RNF111: variants seen among roughly 807,000 people sequenced by gnomAD.
RNF111 encodes ring finger protein 111, also known as E3 ubiquitin-protein ligase Arkadia.
RNF111 carries 17 observed loss-of-function variants against 95.1 expected under a neutral mutation model. The observed-to-expected ratio is 0.18, with a 90% confidence interval of 0.12 to 0.27. The LOEUF (loss-of-function observed/expected upper bound fraction) is 0.27, where lower values mean the gene tolerates loss of function less well. Among genes scored for constraint, RNF111 ranks in the 10% least tolerant of loss-of-function variants. The pLI, the probability that RNF111 is intolerant of heterozygous loss-of-function variation, is 1.00. For missense variants in RNF111, 1,189 were observed against 1,210.4 expected, an observed-to-expected ratio of 0.98 and a Z score of 0.26; for synonymous variants, 440 against 414.8, an observed-to-expected ratio of 1.06 and a Z score of -0.74.
chr15:59,075,391 G>A (rs1263335215), intron 6 of RNF111, among the ~76,000 whole-genome samples: 4 of 152,150 alleles, frequency 2.6e-5, no homozygotes, highest in African/African-American at 9.7e-5. Flanking sequence ...GAGTGGCAAA[G>A]GTAATTCATG....
chr15:59,064,033 A>C (rs1490019350), intron 5 of RNF111, among the ~76,000 whole-genome samples: 1 of 152,230 alleles, frequency 6.6e-6, no homozygotes, highest in Non-Finnish European at 1.5e-5. Context: ...TACTGTAATA[A>C]TGAGTAATTA....
chr15:59,030,702 G>C, intron 1 of RNF111, 102 bp from the exon 2 acceptor site: 1 of 755,668 alleles, frequency 1.3e-6, no homozygotes, highest in Non-Finnish European at 2.0e-6. Context: ...AGACAGTTCT[G>C]CCTTTATAAG....
intron 2 of RNF111, among the ~76,000 whole-genome samples, chr15:59,033,309 T>G (rs1349471714): frequency 2.0e-5 from 3 of 152,232 alleles, no homozygotes; most frequent in Admixed American, 2.0e-4. Flanking sequence ...TTTTCATCTG[T>G]ATTTTTCTCT....
intron 1 of RNF111, among the ~76,000 whole-genome samples, chr15:59,012,824 T>C (rs1049682310): frequency 7.2e-5 from 11 of 151,866 alleles, no homozygotes; most frequent in South Asian, 2.1e-4. Context: ...CTGTAACCTG[T>C]GCCCCCCAGG....
At chr15:59,011,245 C>T (rs1200587296) in intron 1 of RNF111, among the ~76,000 whole-genome samples, 1 of 152,150 alleles carries the variant, frequency 6.6e-6, no homozygotes, top group Non-Finnish European at 1.5e-5. Context: ...CCTTCAGAAT[C>T]GGATTAGATT....
chr15:59,095,192 T>G lies in RNF111; in HGVS notation c.*292T>G. On this transcript the variant is annotated 3_prime_UTR_variant, in exon 14 of 14. Transcript: ENST00000348370. ...TGCACATATTATGGGCTTGTGACCCTAAACTTGCAGGCAAGGTTAGCTGCT... is the reference window on the plus strand; with the variant it reads ...TGCACATATTATGGGCTTGTGACCCGAAACTTGCAGGCAAGGTTAGCTGCT... 1 of 289,192 alleles carries G rather than the reference T, an allele frequency of 3.5e-6. No individual in the cohort carries two copies. The highest frequency in any genetic ancestry group is 6.5e-6 in the Non-Finnish European group (1 of 153,746). The allele number at this position is 289,192 out of a possible 1,614,324, so 17.9% of individuals were successfully genotyped here.
rs563912984 is a variant in RNF111, at chr15:58,995,260, C to T, written c.-20+7192C>T. On this transcript the variant is annotated intron_variant, in intron 1 of 13. Transcript: ENST00000348370. Reference sequence around the variant, plus strand: ...TGGTTGGAAAGTGTTTATTTTGTAACTCATCCATTTTCTTCACTAATGGAC... The same window carrying T: ...TGGTTGGAAAGTGTTTATTTTGTAATTCATCCATTTTCTTCACTAATGGAC... Among the ~76,000 whole-genome samples the T allele has an allele frequency of 6.6e-5, 10 of 152,294 alleles. No individual in the cohort carries two copies. The South Asian group carries it at 1.4e-3, about 22-fold the overall frequency.
intron 1 of RNF111, among the ~76,000 whole-genome samples, chr15:59,003,399 C>T (rs1218382944): frequency 6.6e-6 from 1 of 150,744 alleles, no homozygotes; most frequent in East Asian, 2.0e-4. Flanking sequence ...GCCGCCACAC[C>T]CGGCCTTTTT....
intron 12 of RNF111, among the ~76,000 whole-genome samples, chr15:59,091,569 C>G (rs766483893): frequency 2.0e-5 from 3 of 152,138 alleles, no homozygotes; most frequent in Non-Finnish European, 2.9e-5. Flanking sequence ...TATGGCAGTA[C>G]TGTAATTTTT....
intron 1 of RNF111, among the ~76,000 whole-genome samples, chr15:59,007,875 A>G (rs1384193267): frequency 1.3e-5 from 2 of 152,134 alleles, no homozygotes; most frequent in African/African-American, 2.4e-5. Flanking sequence ...TATATTCAGT[A>G]TTCAAGTTAC....
chr15:59,025,837 T>A (rs1271811736), intron 1 of RNF111, among the ~76,000 whole-genome samples: 4 of 152,094 alleles, frequency 2.6e-5, no homozygotes, highest in Non-Finnish European at 5.9e-5. Context: ...TTCAAGCGAT[T>A]CTCCTGCCTC....
intron 1 of RNF111, among the ~76,000 whole-genome samples, chr15:59,018,491 C>T (rs1389894252): frequency 6.6e-6 from 1 of 151,990 alleles, no homozygotes; most frequent in African/African-American, 2.4e-5. Flanking sequence ...ATATTATGTT[C>T]TCATAATTTA....
intron 1 of RNF111, among the ~76,000 whole-genome samples, chr15:59,016,979 G>C (rs2040096806): frequency 6.6e-6 from 1 of 151,758 alleles, no homozygotes; most frequent in African/African-American, 2.4e-5. Flanking sequence ...ATCTGTCACT[G>C]TCTCCCATCA....
At position 59,094,921 on chromosome 15, in the gene RNF111, G is replaced by A. The variant is rs530876743; in HGVS notation, c.*21G>A. 8 of 1,370,000 alleles carry A rather than the reference G, an allele frequency of 5.8e-6. No homozygotes were observed. The East Asian group carries it at 1.8e-4, about 31-fold the overall frequency. The allele number at this position is 1,370,000 out of a possible 1,614,324, so 84.9% of individuals were successfully genotyped here. ...GTTGACACCATGTTTCAGAACTCTT[G>A]CCCTCCCTCTCATTCCCATCCTTCC... On this transcript the variant is annotated 3_prime_UTR_variant, in exon 14 of 14. Transcript: ENST00000348370.
chr15:59,062,051 CTTT>C (rs71119429), intron 5 of RNF111, among the ~76,000 whole-genome samples: 2 of 122,272 alleles, frequency 1.6e-5, no homozygotes, highest in African/African-American at 6.1e-5. Flanking sequence ...TTTTAAACTT[CTTT>C]TTTTTTTTTT....
chr15:59,086,082 G>A (rs1204191227), intron 10 of RNF111, among the ~76,000 whole-genome samples: 2 of 152,042 alleles, frequency 1.3e-5, no homozygotes, highest in African/African-American at 4.8e-5. Flanking sequence ...TTTGCCGTAA[G>A]TGGTAATAGA....
At chr15:59,015,023 A>G (rs1017701181) in intron 1 of RNF111, among the ~76,000 whole-genome samples, 2 of 152,170 alleles carry the variant, frequency 1.3e-5, no homozygotes, top group East Asian at 3.8e-4. Context: ...TGCTGGGATA[A>G]TACGTGTGAG....
chr15:59,081,519 CA>C (rs1349728299), intron 8 of RNF111, among the ~76,000 whole-genome samples: 1 of 149,726 alleles, frequency 6.7e-6, no homozygotes, highest in Non-Finnish European at 1.5e-5. Flanking sequence ...GAACAAAGAA[CA>C]GCAACAACAA....
At chr15:59,063,431 G>T (rs1232082113) in intron 5 of RNF111, among the ~76,000 whole-genome samples, 1 of 152,136 alleles carries the variant, frequency 6.6e-6, no homozygotes, top group East Asian at 1.9e-4. Context: ...GCACTCCTAG[G>T]AGGCACTTTA....
Sources: gnomAD v4.1 joint callset for allele counts (sites outside exome capture counted in the v4.1 genomes callset) on GRCh38, gnomAD v4.1.1 for gene constraint, MANE v1.5 for transcripts, NCBI Gene and HGNC (gene_info 2026-07-23, HGNC 2026-07-21) for gene names.